The following PCDH9 variants were observed in gnomAD, a reference collection of about 807,000 sequenced individuals.
PCDH9 encodes protocadherin-9.
PCDH9 carries 24 observed loss-of-function variants against 70.6 expected under a neutral mutation model. The observed-to-expected ratio is 0.34, with a 90% CI of 0.25 to 0.48. PCDH9 has a LOEUF of 0.48. Among genes scored for constraint, PCDH9 ranks in the 20% least tolerant of loss-of-function variants. PCDH9 has a pLI of 0.99. For synonymous variants in PCDH9, 562 were observed against 558.5 expected, an observed-to-expected ratio of 1.01 and a Z score of -0.09; for missense variants, 1,281 against 1,503.6, an observed-to-expected ratio of 0.85 and a Z score of 2.45.
intron 2 of PCDH9, among the ~76,000 whole-genome samples, chr13:67,070,515 A>T (rs2085740034): frequency 6.6e-6 from 1 of 152,184 alleles, no homozygotes; most frequent in Admixed American, 6.5e-5. Flanking sequence ...CTTCAGACTC[A>T]CAATTGTTTC....
intron 3 of PCDH9, among the ~76,000 whole-genome samples, chr13:66,889,672 G>A (rs1594212622): frequency 6.6e-6 from 1 of 152,124 alleles, no homozygotes; most frequent in African/African-American, 2.4e-5. Flanking sequence ...CTACTACCAG[G>A]AGAGTAAACA....
intron 2 of PCDH9, among the ~76,000 whole-genome samples, chr13:67,137,971 T>C (rs2087276509): frequency 6.6e-6 from 1 of 152,176 alleles, no homozygotes; most frequent in Admixed American, 6.6e-5. Context: ...CCAGTCTTAT[T>C]TTCAGTAGTC....
intron 2 of PCDH9, among the ~76,000 whole-genome samples, chr13:66,914,128 A>G (rs1344915309): frequency 1.3e-5 from 2 of 152,018 alleles, no homozygotes; most frequent in Non-Finnish European, 2.9e-5. Flanking sequence ...GTTTTTTTAA[A>G]TCTATTTTTA....
intron 3 of PCDH9, among the ~76,000 whole-genome samples, chr13:66,747,259 G>A (rs2139216968): frequency 6.6e-6 from 1 of 152,166 alleles, no homozygotes; most frequent in East Asian, 1.9e-4. Context: ...GCTGAGGCAG[G>A]AGAATTGCAT....
intron 2 of PCDH9, among the ~76,000 whole-genome samples, chr13:67,130,453 T>C (rs2087084940): frequency 6.6e-6 from 1 of 152,098 alleles, no homozygotes; most frequent in African/African-American, 2.4e-5. Flanking sequence ...AAGGTATTGT[T>C]AGTACAAACT....
intron 2 of PCDH9, among the ~76,000 whole-genome samples, chr13:67,173,919 A>C (rs2088367755): frequency 6.6e-6 from 1 of 152,176 alleles, no homozygotes; most frequent in South Asian, 2.1e-4. Flanking sequence ...AACTCTTTTC[A>C]ACAACTTAGG....
intron 2 of PCDH9, among the ~76,000 whole-genome samples, chr13:66,944,817 C>CTGTGTG (rs67182136): frequency 0.22 from 30,163 of 135,116 alleles, 3,470 homozygotes; most frequent in East Asian, 0.46. Context: ...CTAATCGTCT[C>CTGTGTG]TGTGTGTGTG....
intron 3 of PCDH9, among the ~76,000 whole-genome samples, chr13:66,839,092 A>T (rs1374483620): frequency 1.3e-5 from 2 of 151,976 alleles, no homozygotes; most frequent in East Asian, 1.9e-4. Context: ...AAAAAACTTT[A>T]AAAATAATAT....
intron 3 of PCDH9, among the ~76,000 whole-genome samples, chr13:66,865,936 G>A (rs1447539607): frequency 3.9e-5 from 6 of 151,992 alleles, no homozygotes; most frequent in Admixed American, 2.0e-4. Context: ...CTTAAATTTC[G>A]TTGTATCAGG....
intron 4 of PCDH9, among the ~76,000 whole-genome samples, chr13:66,336,921 T>G (rs1956047129): frequency 1.3e-5 from 2 of 152,184 alleles, no homozygotes; most frequent in South Asian, 2.1e-4. Flanking sequence ...GACATTTCTT[T>G]AAAAAACTGA....
chr13:66,407,164 T>C (rs1957294073), intron 4 of PCDH9, among the ~76,000 whole-genome samples: 1 of 152,286 alleles, frequency 6.6e-6, no homozygotes, highest in Non-Finnish European at 1.5e-5. Flanking sequence ...TCCTCGGAGA[T>C]GGGAAACTTT....
At chr13:66,846,664 A>T (rs2081215730) in intron 3 of PCDH9, among the ~76,000 whole-genome samples, 1 of 152,116 alleles carries the variant, frequency 6.6e-6, no homozygotes, top group South Asian at 2.1e-4. Context: ...TCACTGTATT[A>T]AGCTAGAGTC....
intron 4 of PCDH9, among the ~76,000 whole-genome samples, chr13:66,479,874 C>A (rs973639729): frequency 9.2e-5 from 14 of 152,178 alleles, no homozygotes; most frequent in Non-Finnish European, 1.8e-4. Context: ...AGGACGTGGG[C>A]AGGGACAAAT....
intron 4 of PCDH9, among the ~76,000 whole-genome samples, chr13:66,471,031 C>T (rs1958609434): frequency 6.6e-6 from 1 of 151,540 alleles, no homozygotes; most frequent in South Asian, 2.1e-4. Context: ...TGATTAGAAT[C>T]AAGTACAGTA....
chr13:66,717,121 G>A (rs2078874690), intron 3 of PCDH9, among the ~76,000 whole-genome samples: 1 of 151,736 alleles, frequency 6.6e-6, no homozygotes, highest in Admixed American at 6.6e-5. Flanking sequence ...AGGACTTCAA[G>A]GTGTTTCCCA....
intron 2 of PCDH9, among the ~76,000 whole-genome samples, chr13:66,957,748 C>T (rs951280429): frequency 1.3e-5 from 2 of 151,940 alleles, no homozygotes; most frequent in African/African-American, 2.4e-5. Flanking sequence ...AGAAGGCAAG[C>T]TAGGAAGGCA....
intron 3 of PCDH9, among the ~76,000 whole-genome samples, chr13:66,898,738 T>C (rs1331246492): frequency 6.6e-6 from 1 of 151,824 alleles, no homozygotes; most frequent in East Asian, 1.9e-4. Context: ...AGCAAAAGGG[T>C]TTTGGCTTTA....
At chr13:66,748,857 C>A (rs2079413218) in intron 3 of PCDH9, among the ~76,000 whole-genome samples, 1 of 152,116 alleles carries the variant, frequency 6.6e-6, no homozygotes, top group African/African-American at 2.4e-5. Flanking sequence ...CCAAATCTCA[C>A]CTTGAATTGT....
intron 2 of PCDH9, among the ~76,000 whole-genome samples, chr13:67,129,956 ACTTGGGAAAGATCAC>A (rs2087071402): frequency 6.6e-6 from 1 of 152,132 alleles, no homozygotes; most frequent in African/African-American, 2.4e-5. Flanking sequence ...TGAGAGTTAG[ACTTGGGAAAGATCAC>A]CTTGGAAAGA....
Sources: gnomAD v4.1 joint callset for allele counts (sites outside exome capture counted in the v4.1 genomes callset) on GRCh38, gnomAD v4.1.1 for gene constraint, MANE v1.5 for transcripts, NCBI Gene and HGNC (gene_info 2026-07-23, HGNC 2026-07-21) for gene names.